Variants in KCTD1 observed in about 807,000 individuals in gnomAD.
KCTD1 encodes potassium channel tetramerization domain containing 1.
Under a neutral mutation model 66.0 loss-of-function variants are expected in KCTD1, and 24 were observed. The observed-to-expected ratio is 0.36, with a 90% CI of 0.26 to 0.51. KCTD1 has a LOEUF of 0.51. KCTD1 is among the 20% of genes least tolerant of loss of function. KCTD1 has a pLI of 0.95. For synonymous variants in KCTD1, 511 were observed against 517.2 expected, an observed-to-expected ratio of 0.99 and a Z score of 0.16; for missense variants, 943 against 1,205.2, an observed-to-expected ratio of 0.78 and a Z score of 3.22.
chr18:26,546,264 CG>C (rs1985212720), intron 1 of KCTD1, among the ~76,000 whole-genome samples: 1 of 150,382 alleles, frequency 6.6e-6, no homozygotes, highest in South Asian at 2.1e-4. Flanking sequence ...GGGATTGGCA[CG>C]TTTTCTTTTC....
chr18:26,621,085 C>T (rs557032188), intron 1 of KCTD1, among the ~76,000 whole-genome samples: 34 of 151,482 alleles, frequency 2.2e-4, no homozygotes, highest in Admixed American at 3.9e-4. Context: ...CACCCGCCTC[C>T]GCCTCCCAAA....
At chr18:26,523,049 T>G (rs1428833979) in intron 1 of KCTD1, among the ~76,000 whole-genome samples, 1 of 152,138 alleles carries the variant, frequency 6.6e-6, no homozygotes, top group Non-Finnish European at 1.5e-5. Context: ...TAGAGATATA[T>G]TTTTTTAAAG....
upstream of KCTD1, among the ~76,000 whole-genome samples, chr18:26,632,455 A>G (rs1987641725): frequency 6.6e-6 from 1 of 152,228 alleles, no homozygotes; most frequent in African/African-American, 2.4e-5. Context: ...TCTAACCATT[A>G]CAATTTGACT....
intron 1 of KCTD1, among the ~76,000 whole-genome samples, chr18:26,512,155 G>A (rs1230138965): frequency 6.6e-6 from 1 of 151,952 alleles, no homozygotes; most frequent in Admixed American, 6.5e-5. Context: ...CCAGGCTGGA[G>A]TGCAGTAGCG....
chr18:26,631,099 CTA>C (rs1170307534), upstream of KCTD1, among the ~76,000 whole-genome samples: 5 of 152,160 alleles, frequency 3.3e-5, no homozygotes, highest in African/African-American at 1.2e-4. Flanking sequence ...TTGTGAAAAA[CTA>C]TTTCATTTAT....
intron 1 of KCTD1, among the ~76,000 whole-genome samples, chr18:26,597,535 T>C (rs1986793800): frequency 1.3e-5 from 2 of 152,298 alleles, no homozygotes; most frequent in East Asian, 1.9e-4. Flanking sequence ...GGGTATTTTT[T>C]GTAAACAAAA....
chr18:26,462,422 T>C (rs1292060684), intron 3 of KCTD1, among the ~76,000 whole-genome samples: 2 of 152,186 alleles, frequency 1.3e-5, no homozygotes, highest in Admixed American at 6.5e-5. Context: ...ATTTTTTCCT[T>C]TACTATGCTG....
At chr18:26,471,292 G>C (rs1219330129) in intron 3 of KCTD1, among the ~76,000 whole-genome samples, 1 of 151,776 alleles carries the variant, frequency 6.6e-6, no homozygotes, top group Non-Finnish European at 1.5e-5. Flanking sequence ...TACACCCAAA[G>C]CTCGATGTAT....
At chr18:26,630,171 T>G (rs540498837), upstream of KCTD1, among the ~76,000 whole-genome samples, 160 of 152,332 alleles carry the variant, frequency 1.1e-3, no homozygotes, top group Non-Finnish European at 2.0e-3. Flanking sequence ...GGTGCCTTCC[T>G]GCTAATACAG....
intron 1 of KCTD1, among the ~76,000 whole-genome samples, chr18:26,623,592 T>C (rs1314550003): frequency 6.6e-6 from 1 of 152,202 alleles, no homozygotes; most frequent in Non-Finnish European, 1.5e-5. Flanking sequence ...AATTGTAAGT[T>C]TCCTGAGGCC....
intron 3 of KCTD1, among the ~76,000 whole-genome samples, chr18:26,475,087 C>T (rs1981270273): frequency 1.3e-5 from 2 of 152,194 alleles, no homozygotes; most frequent in Admixed American, 1.3e-4. Context: ...GGACCCTATT[C>T]TTCTCCATTG....
chr18:26,531,386 G>A (rs1314507753), intron 1 of KCTD1, among the ~76,000 whole-genome samples: 2 of 151,954 alleles, frequency 1.3e-5, no homozygotes, highest in East Asian at 3.9e-4. Context: ...TTCAACCACA[G>A]GTTGAAATAC....
chr18:26,612,631 A>G lies in KCTD1; in HGVS notation c.-16+16516T>C, dbSNP rs141846907. Among the ~76,000 whole-genome samples the G allele has an allele frequency of 1.3e-3, 202 of 152,276 alleles. 2 individuals are homozygous for G. The highest frequency in any genetic ancestry group is 4.8e-3 in the African/African-American group (199 of 41,552). ...CTCTCCCTCACAGACTTTGGAAGGAACCAATGCTGCTGATATTTTGATTTC... is the reference window on the plus strand; with the variant it reads ...CTCTCCCTCACAGACTTTGGAAGGAGCCAATGCTGCTGATATTTTGATTTC... On this transcript the variant is annotated intron_variant, in intron 1 of 4. Transcript: ENST00000317932.
At chr18:26,579,637 T>A (rs1224846255) in intron 1 of KCTD1, among the ~76,000 whole-genome samples, 1 of 152,216 alleles carries the variant, frequency 6.6e-6, no homozygotes, top group Non-Finnish European at 1.5e-5. Context: ...ATAAATTACA[T>A]GCAAAACACA....
intron 1 of KCTD1, among the ~76,000 whole-genome samples, chr18:26,646,273 G>C (rs482762): frequency 6.6e-6 from 1 of 152,162 alleles, no homozygotes; most frequent in African/African-American, 2.4e-5. Flanking sequence ...AAGTTGTTAG[G>C]GGGAGCAGGA....
Position 26,476,731 on chromosome 18 carries a change from T to G in KCTD1, c.1989-72A>C. On this transcript the variant is annotated intron_variant, in intron 2 of 4. Transcript: ENST00000580059. This position sits in a 1 kb window ranked among gnomAD's most constrained non-coding sequence, Gnocchi z 4.9. ...CGGGCACTAGGACTAAGAGGTGTCTTTTATCACTGTCAAAGGTAGCACTTT... is the reference window on the plus strand; with the variant it reads ...CGGGCACTAGGACTAAGAGGTGTCTGTTATCACTGTCAAAGGTAGCACTTT... 1 of 1,372,922 alleles carries G rather than the reference T, an allele frequency of 7.3e-7. No homozygotes were observed. Among genetic ancestry groups the G allele is most frequent in the South Asian group, 1.3e-5 (1 of 79,936 alleles). The allele number at this position is 1,372,922 out of a possible 1,614,324, so 85.0% of individuals were successfully genotyped here.
At chr18:26,614,727 T>C (rs1037944556) in intron 1 of KCTD1, among the ~76,000 whole-genome samples, 4 of 152,220 alleles carry the variant, frequency 2.6e-5, no homozygotes, top group Non-Finnish European at 1.5e-5. Flanking sequence ...AAACCACCTC[T>C]AGCGAATCAG....
At chr18:26,564,524 T>C (rs1233437870) in intron 1 of KCTD1, among the ~76,000 whole-genome samples, 1 of 152,208 alleles carries the variant, frequency 6.6e-6, no homozygotes, top group Non-Finnish European at 1.5e-5. Context: ...CTTTGTCCTA[T>C]GGTAATACTT....
At position 26,501,126 on chromosome 18, in the gene KCTD1, C is replaced by G; in HGVS notation, c.1934G>C (p.Gly645Ala). The change falls in exon 2 of 5, where the codon GGC (glycine) becomes GCC (alanine). Residue 645 changes from glycine (G) to alanine (A), a missense_variant. Gly to Ala is a moderately conservative substitution (Grantham distance 60, BLOSUM62 0). Coordinates refer to ENST00000580059, the MANE Select transcript of KCTD1 (RefSeq NM_001142730.3). ...KSNAPVHIDVGGHMYTSSLAT... is the reference protein window; with the variant it reads ...KSNAPVHIDVAGHMYTSSLAT... ...CAGGCTGCTGGTGTACATGTGGCCG[C>G]CCACATCAATGTGGACAGGCGCATT... The G allele has an allele frequency of 6.2e-7, 1 of 1,614,126 alleles. No homozygotes were observed. Among genetic ancestry groups the G allele is most frequent in the Non-Finnish European group, 8.5e-7 (1 of 1,179,998 alleles).
Sources: gnomAD v4.1 joint callset for allele counts (sites outside exome capture counted in the v4.1 genomes callset) on GRCh38, gnomAD v4.1.1 for gene constraint, Gnocchi (gnomAD v3.1) non-coding constraint, MANE v1.5 for transcripts, NCBI Gene and HGNC (gene_info 2026-07-23, HGNC 2026-07-21) for gene names.